ISLR2: variants seen among roughly 807,000 people sequenced by gnomAD.
ISLR2 encodes the protein immunoglobulin superfamily containing leucine-rich repeat protein 2.
ISLR2 carries 16 observed loss-of-function variants against 25.5 expected under a neutral mutation model. The observed-to-expected ratio is 0.63, with a 90% CI of 0.43 to 0.95. ISLR2 has a LOEUF of 0.95. ISLR2 is among the 40% of genes least tolerant of loss of function. ISLR2 has a pLI of 0.00. For synonymous variants in ISLR2, 508 were observed against 486.6 expected, an observed-to-expected ratio of 1.04 and a Z score of -0.58; for missense variants, 883 against 1,030.7, an observed-to-expected ratio of 0.86 and a Z score of 1.96.
downstream of ISLR2, among the ~76,000 whole-genome samples, chr15:74,140,143 A>G (rs1289339327): frequency 6.6e-6 from 1 of 152,200 alleles, no homozygotes; most frequent in Non-Finnish European, 1.5e-5. Context: ...CTTGAAGATC[A>G]TTAAAGTCCA....
At chr15:74,101,102 C>A (rs2072080876) in intron 1 of ISLR2, among the ~76,000 whole-genome samples, 1 of 41,764 alleles carries the variant, frequency 2.4e-5, no homozygotes, top group South Asian at 1.0e-3. Flanking sequence ...ATACTGGTTC[C>A]AGGACCCCAG....
chr15:74,121,356 C>T (rs190939215), intron 2 of ISLR2, among the ~76,000 whole-genome samples: 14 of 152,244 alleles, frequency 9.2e-5, no homozygotes, highest in African/African-American at 2.2e-4. Flanking sequence ...CTGCACTGCA[C>T]GGGGTCACTC....
intron 2 of ISLR2, among the ~76,000 whole-genome samples, chr15:74,116,069 C>T (rs1308937436): frequency 6.6e-6 from 1 of 151,534 alleles, no homozygotes; most frequent in Non-Finnish European, 1.5e-5. Flanking sequence ...TGGTGGCATG[C>T]ACCTGTAGTC....
rs1163246080 is a variant in ISLR2, at chr15:74,134,593, C to T, written c.1839C>T (p.Cys613=). The change falls in exon 3 of 3, where the codon TGC becomes TGT. Residue 613 remains cysteine, a synonymous_variant. Transcript: ENST00000453268. ...CAGTGCCCCTTCTGGGCGCCGCCTG[C>T]TGCCATCTGCTGGCTAAACACCCGG... The part of the protein sequence containing the change: ...LATVPLLGAA[C]CHLLAKHPGK... 1.7e-5 allele frequency: 27 copies of T among 1,613,970 alleles called. No individual in the cohort carries two copies. The highest frequency in any genetic ancestry group is 2.7e-5 in the African/African-American group (2 of 74,910).
At chr15:74,115,891 GAA>G (rs11307853) in intron 2 of ISLR2, among the ~76,000 whole-genome samples, 8 of 98,566 alleles carry the variant, frequency 8.1e-5, no homozygotes, top group East Asian at 3.1e-4. Context: ...AAGATATATT[GAA>G]AAAAAAAAAA....
rs2072431665 is a variant in ISLR2, at chr15:74,132,010, G to A, written c.-9+694G>A. 6.6e-6 allele frequency: 1 copy of A among 152,352 alleles called. No homozygotes were observed. Among genetic ancestry groups the A allele is most frequent in the South Asian group, 2.1e-4 (1 of 4,828 alleles). The allele number at this position is 152,352 out of a possible 1,614,324, so 9.4% of individuals were successfully genotyped here. On this transcript the variant is annotated intron_variant, in intron 2 of 2. Coordinates refer to ENST00000453268, the MANE Select transcript of ISLR2 (RefSeq NM_020851.3). This position sits in a 1 kb window ranked among gnomAD's most constrained non-coding sequence, Gnocchi z 4.3. ...CACACAGGCACATGCCTGTGTTCTT[G>A]TGGGTGGGTCGGTTCGTGTGAGGAC... is the stretch of plus-strand genomic sequence containing the variant.
Position 74,133,837 on chromosome 15 carries a change from G to A in ISLR2, c.1083G>A (p.Leu361=), listed in dbSNP as rs969177426. The A allele has an allele frequency of 4.3e-6, 7 of 1,613,774 alleles. No individual in the cohort carries two copies. The highest frequency in any genetic ancestry group is 5.9e-6 in the Non-Finnish European group (7 of 1,179,924). The change falls in exon 3 of 3, where the codon CTG becomes CTA. Residue 361 remains leucine (L), a synonymous_variant. Coordinates refer to ENST00000453268, the MANE Select transcript of ISLR2 (RefSeq NM_020851.3). ...GVYTCRAHNE[L]GANSTSIRVA... ...ACACTTGCCGTGCACACAATGAGCT[G>A]GGCGCCAACTCTACGTCAATACGCG...
In ISLR2 at chr15:74,134,455, C is replaced by T. The variant is rs759735627; in HGVS notation, c.1701C>T (p.Cys567=). 2.9e-5 allele frequency: 47 copies of T among 1,613,130 alleles called. No homozygotes were observed. In the East Asian group the frequency reaches 1.0e-3, roughly 34 times the overall value. The part of the protein sequence containing the change: ...GLRPGTNYSV[C]LALAGEACHV... ...GGCCGGGTACCAACTACTCCGTGTG[C>T]CTGGCGCTGGCGGGCGAAGCCTGCC... Residue 567 remains cysteine (C), a synonymous_variant, in exon 3 of 3, where the codon TGC becomes TGT. Transcript: ENST00000453268.
At chr15:74,137,277 G>A (rs77556577), downstream of ISLR2, among the ~76,000 whole-genome samples, 2,510 of 152,318 alleles carry the variant, frequency 0.016, 28 homozygotes, top group Middle Eastern at 0.027. Context: ...GGACAAGACC[G>A]CTGTGGCTTG....
rs749209194 is a variant in ISLR2 at position 74,133,676 on chromosome 15, T to A, written c.922T>A (p.Leu308Met). The change falls in exon 3 of 3, where the codon TTG (leucine) becomes ATG (methionine). Residue 308 changes from leucine (L) to methionine (M), a missense_variant. By Grantham distance (15) the Leu-to-Met change is conservative. Around this residue, in one of 2 missense-constraint regions of ISLR2, gnomAD observed 612 missense variants for 642.8 expected, o/e 0.95. Coordinates refer to ENST00000453268, the MANE Select transcript of ISLR2 (RefSeq NM_020851.3). ...EEGEGEGDGD[L>M]LTQTQAQTPT... is the part of the protein sequence containing the mutation. Reference sequence around the variant, plus strand: ...AGGAGAGGGAGAAGGAGATGGGGATTTGCTGACGCAGACCCAAGCCCAAAC... The same window carrying A: ...AGGAGAGGGAGAAGGAGATGGGGATATGCTGACGCAGACCCAAGCCCAAAC... The A allele has an allele frequency of 6.2e-6, 10 of 1,608,762 alleles. No homozygotes were observed. The highest frequency in any genetic ancestry group is 7.6e-6 in the Non-Finnish European group (9 of 1,177,662).
intron 2 of ISLR2, chr15:74,104,019 G>T (rs2072100898): frequency 6.6e-6 from 1 of 152,090 alleles, no homozygotes; most frequent in Non-Finnish European, 1.5e-5. Context: ...AGCAGCATGA[G>T]AATGGACTAA....
At chr15:74,102,866 T>C (rs2072091161) in intron 1 of ISLR2, among the ~76,000 whole-genome samples, 1 of 150,806 alleles carries the variant, frequency 6.6e-6, no homozygotes, top group Admixed American at 6.6e-5. Context: ...TGGAGTGCAG[T>C]GGCATGATCT....
chr15:74,140,426 C>G (rs1297648509), downstream of ISLR2, among the ~76,000 whole-genome samples: 1 of 152,124 alleles, frequency 6.6e-6, no homozygotes, highest in East Asian at 1.9e-4. Context: ...CTATGACTAC[C>G]CTGCCCCACA....
At chr15:74,139,847 G>T (rs553693394), downstream of ISLR2, among the ~76,000 whole-genome samples, 3 of 149,848 alleles carry the variant, frequency 2.0e-5, no homozygotes, top group East Asian at 5.9e-4. Flanking sequence ...TGGGAATGGA[G>T]TCTAACGGCT....
At chr15:74,125,735 T>A (rs924551118), upstream of ISLR2, among the ~76,000 whole-genome samples, 1 of 152,172 alleles carries the variant, frequency 6.6e-6, no homozygotes, top group African/African-American at 2.4e-5. Flanking sequence ...ATGGGCTGGA[T>A]CCCAGATTAT....
upstream of ISLR2, chr15:74,128,134 C>T: frequency 6.6e-6 from 2 of 300,792 alleles, no homozygotes; most frequent in Non-Finnish European, 1.3e-5. Context: ...ACATTAGACC[C>T]GCTTCTGCGC....
At chr15:74,137,077 C>T (rs1418745191), downstream of ISLR2, among the ~76,000 whole-genome samples, 3 of 152,146 alleles carry the variant, frequency 2.0e-5, no homozygotes, top group East Asian at 5.8e-4. Flanking sequence ...TCTGCAGACC[C>T]TGAACACAGG....
downstream of ISLR2, among the ~76,000 whole-genome samples, chr15:74,137,157 CTG>C (rs772184711): frequency 1.1e-4 from 17 of 152,182 alleles, no homozygotes; most frequent in East Asian, 7.7e-4. Flanking sequence ...TTGAGACTGT[CTG>C]TGTAGTGGGG....
In ISLR2 at chr15:74,132,260, A is replaced by G. The variant is rs1233307814; in HGVS notation, c.-8-487A>G. On this transcript the variant is annotated intron_variant, in intron 2 of 2. Coordinates refer to ENST00000453268, the MANE Select transcript of ISLR2 (RefSeq NM_020851.3). This position sits in a 1 kb window ranked among gnomAD's most constrained non-coding sequence, Gnocchi z 4.3. ...GCAGAAGTTGGCGGTTTGATTATGA[A>G]GCCCCGCGTCTGTTTGTATTGTTGT... 6.6e-6 allele frequency among the ~76,000 whole-genome samples: 1 copy of G among 152,124 alleles called. No homozygotes were observed. The highest frequency in any genetic ancestry group is 1.5e-5 in the Non-Finnish European group (1 of 68,004).
Sources: allele counts gnomAD v4.1 joint callset (sites outside exome capture counted in the v4.1 genomes callset), GRCh38; gene constraint gnomAD v4.1.1; regional missense constraint gnomAD v4.1.1; non-coding constraint Gnocchi (gnomAD v3.1); transcripts MANE v1.5; gene names NCBI Gene and HGNC (gene_info 2026-07-23, HGNC 2026-07-21).